Variants in MINDY2 observed in about 807,000 individuals in gnomAD.
The protein encoded by MINDY2 is MINDY lysine 48 deubiquitinase 2, also known as ubiquitin carboxyl-terminal hydrolase MINDY-2.
A neutral mutation model predicts 68.2 loss-of-function variants in MINDY2; 52 were observed. The observed-to-expected ratio is 0.76, with a 90% CI of 0.61 to 0.96. The LOEUF is 0.96. Ranked by LOEUF, MINDY2 falls within the 40% of genes least tolerant of loss-of-function variation. MINDY2 has a pLI of 0.00. For synonymous variants in MINDY2, 372 were observed against 303.0 expected, an observed-to-expected ratio of 1.23 and a Z score of -2.36; for missense variants, 881 against 773.4, an observed-to-expected ratio of 1.14 and a Z score of -1.65.
intron 2 of MINDY2, among the ~76,000 whole-genome samples, chr15:58,800,663 CTT>C (rs576365812): frequency 3.5e-5 from 5 of 141,138 alleles, no homozygotes; most frequent in Non-Finnish European, 3.1e-5. Context: ...TCCAGTTTAG[CTT>C]TTTTTTTTTT....
intron 2 of MINDY2, among the ~76,000 whole-genome samples, chr15:58,791,997 A>G (rs759821206): frequency 1.3e-5 from 2 of 152,124 alleles, no homozygotes; most frequent in Admixed American, 6.6e-5. Context: ...GAAATGTTTC[A>G]AGGAAGAGTG....
chr15:58,824,713 A>G lies in MINDY2; in HGVS notation c.1225+2894A>G, dbSNP rs1240259501. On this transcript the variant is annotated intron_variant, in intron 5 of 8. Transcript: ENST00000559228. ...TTGAGACAGTCTCGCTCTGTCACCC[A>G]GGCTGGAGTGTAGTGGCACGATCTC... Among the ~76,000 whole-genome samples, 14 of 142,690 alleles carry G rather than the reference A, an allele frequency of 9.8e-5. No homozygotes were observed. In the Admixed American group the frequency reaches 1.0e-3, roughly 11 times the overall value. 93.6% of individuals were successfully genotyped at this position (142,690 alleles called of 152,430 possible).
At chr15:58,791,620 A>ATG (rs1491325995) in intron 2 of MINDY2, among the ~76,000 whole-genome samples, 8,954 of 80,744 alleles carry the variant, frequency 0.11, 402 homozygotes, top group East Asian at 0.37. Flanking sequence ...CTGTCTCAAA[A>ATG]TATGTGTGTG....
chr15:58,809,942 G>A (rs2140973295), intron 3 of MINDY2, among the ~76,000 whole-genome samples: 1 of 152,200 alleles, frequency 6.6e-6, no homozygotes, highest in Non-Finnish European at 1.5e-5. Flanking sequence ...ACCATGCCCA[G>A]CTAATTTTTG....
At chr15:58,838,582 ATTTTTTT>A (rs780140528) in intron 6 of MINDY2, among the ~76,000 whole-genome samples, 1 of 93,088 alleles carries the variant, frequency 1.1e-5, no homozygotes, top group Admixed American at 1.4e-4. Flanking sequence ...CTTTTTAGGG[ATTTTTTT>A]TTTTTTTTTT....
At chr15:58,796,098 G>A (rs1178705861) in intron 2 of MINDY2, 1 of 455,944 alleles carries the variant, frequency 2.2e-6, no homozygotes, top group Non-Finnish European at 4.4e-6. Context: ...TATCTGGGAG[G>A]CAAGGAAATG....
intron 1 of MINDY2, among the ~76,000 whole-genome samples, chr15:58,780,136 T>A (rs1901038006): frequency 1.3e-5 from 2 of 152,146 alleles, no homozygotes; most frequent in Admixed American, 6.6e-5. Context: ...CAGGTGTGGT[T>A]GGCTCACACT....
chr15:58,829,527 C>T (rs2031601153), intron 5 of MINDY2, among the ~76,000 whole-genome samples: 1 of 152,184 alleles, frequency 6.6e-6, no homozygotes, highest in Admixed American at 6.5e-5. Context: ...TTGGATTTCA[C>T]ACTAACATGA....
chr15:58,844,750 C>G (rs533904), intron 6 of MINDY2, among the ~76,000 whole-genome samples: 26 of 150,868 alleles, frequency 1.7e-4, no homozygotes, highest in Non-Finnish European at 3.1e-4. Flanking sequence ...AACTCCATCT[C>G]TACTAAAAAT....
intron 4 of MINDY2, among the ~76,000 whole-genome samples, chr15:58,816,510 A>G (rs1184340840): frequency 6.6e-6 from 1 of 152,030 alleles, no homozygotes; most frequent in African/African-American, 2.4e-5. Flanking sequence ...GGCTCAAGGA[A>G]TCCTCCCACC....
chr15:58,825,329 A>G (rs1398571154), intron 5 of MINDY2, among the ~76,000 whole-genome samples: 1 of 152,180 alleles, frequency 6.6e-6, no homozygotes, highest in African/African-American at 2.4e-5. Context: ...CAGAACTTTT[A>G]CTTTACGTAG....
chr15:58,791,879 G>A (rs564550998), intron 2 of MINDY2, among the ~76,000 whole-genome samples: 90 of 152,006 alleles, frequency 5.9e-4, no homozygotes, highest in African/African-American at 1.7e-3. Context: ...TCAGTAGACC[G>A]AGTCTGGGAT....
chr15:58,775,925 G>C (rs1195365476), intron 1 of MINDY2, among the ~76,000 whole-genome samples: 1 of 150,090 alleles, frequency 6.7e-6, no homozygotes, highest in Non-Finnish European at 1.5e-5. Context: ...TGCAGTGGCA[G>C]GATCTTGGCT....
At position 58,785,724 on chromosome 15, in the gene MINDY2, T is replaced by G. The variant is rs551440382; in HGVS notation, c.841-2182T>G. Among the ~76,000 whole-genome samples, 78 of 152,320 alleles carry G rather than the reference T, an allele frequency of 5.1e-4. 3 individuals carry two copies. The Middle Eastern group carries it at 0.014, about 27-fold the overall frequency. Reference sequence around the variant, plus strand: ...CAGAGTCTCACTCTGTCACCCAGGCTGGAGCGTAGTGGCACGATCTCTGCT... The same window carrying G: ...CAGAGTCTCACTCTGTCACCCAGGCGGGAGCGTAGTGGCACGATCTCTGCT... On this transcript the variant is annotated intron_variant, in intron 1 of 8. Transcript: ENST00000559228.
intron 2 of MINDY2, among the ~76,000 whole-genome samples, chr15:58,793,327 C>G (rs543658377): frequency 2.6e-5 from 4 of 152,060 alleles, no homozygotes; most frequent in Non-Finnish European, 5.9e-5. Flanking sequence ...TGGCACATGC[C>G]TGTAGTCCCA....
At chr15:58,791,521 G>A (rs944998944) in intron 2 of MINDY2, among the ~76,000 whole-genome samples, 1 of 151,380 alleles carries the variant, frequency 6.6e-6, no homozygotes, top group Non-Finnish European at 1.5e-5. Context: ...GGACGCTCAG[G>A]TGGGAGGATT....
chr15:58,821,860 G>T, intron 5 of MINDY2, 41 bp downstream of exon 5: 1 of 1,378,832 alleles, frequency 7.3e-7, no homozygotes, highest in Non-Finnish European at 1.0e-6. Flanking sequence ...GAAATTCTTG[G>T]CAAGATAATT....
In MINDY2 at chr15:58,852,026, C is replaced by T. The variant is rs551367371; in HGVS notation, c.1737+61C>T. ...TCATGGCTGGGTGTAGTGGCTCACA[C>T]CTGTATTCCCAGCCCTTTGGGAGGC... On this transcript the variant is annotated intron_variant, in intron 8 of 8. Coordinates refer to ENST00000559228, the MANE Select transcript of MINDY2 (RefSeq NM_001040450.3). 87 of 1,312,350 alleles carry T rather than the reference C, an allele frequency of 6.6e-5. No homozygotes were observed. The African/African-American group carries it at 1.2e-3, about 18-fold the overall frequency. The allele number at this position is 1,312,350 out of a possible 1,614,324, so 81.3% of individuals were successfully genotyped here. A position where few individuals can be genotyped will look rare whatever the true frequency, so the allele number is the denominator to read the frequency against.
intron 4 of MINDY2, among the ~76,000 whole-genome samples, chr15:58,810,936 G>C (rs1419990761): frequency 6.6e-6 from 1 of 152,162 alleles, no homozygotes; most frequent in Non-Finnish European, 1.5e-5. Context: ...TCAGTGTTCA[G>C]ATTTTTTATT....
Sources: allele counts gnomAD v4.1 joint callset (sites outside exome capture counted in the v4.1 genomes callset), GRCh38; gene constraint gnomAD v4.1.1; transcripts MANE v1.5; gene names NCBI Gene and HGNC (gene_info 2026-07-23, HGNC 2026-07-21).